MCPH1: variants seen among roughly 807,000 people sequenced by gnomAD.
MCPH1 encodes microcephalin 1, also known as microcephalin.
A neutral mutation model predicts 84.5 loss-of-function variants in MCPH1; 104 were observed. The ratio of observed to expected loss-of-function variants is 1.23; its 90% CI spans 1.05 to 1.45. MCPH1 has a LOEUF of 1.45. MCPH1 is among the 40% of genes most tolerant of loss of function. MCPH1 has a pLI of 0.00. For synonymous variants in MCPH1, 514 were observed against 366.8 expected (o/e 1.40, Z -4.58); for missense variants, 1,498 against 1,005.7 (o/e 1.49, Z -6.62).
At chr8:6,489,628 CAT>C (rs1810339712) in intron 11 of MCPH1, among the ~76,000 whole-genome samples, 1 of 152,208 alleles carries the variant, frequency 6.6e-6, no homozygotes, top group Admixed American at 6.5e-5. Flanking sequence ...TATTATCAGA[CAT>C]ATTGCTGATA....
At chr8:6,598,642 T>C (rs538253596) in intron 12 of MCPH1, among the ~76,000 whole-genome samples, 3 of 152,322 alleles carry the variant, frequency 2.0e-5, no homozygotes, top group East Asian at 3.9e-4. Flanking sequence ...ACCCCAATGT[T>C]TGCTGAAGCA....
intron 12 of MCPH1, 145 bp from the exon 13 acceptor site, chr8:6,621,309 C>G (rs1229623042): frequency 9.6e-7 from 1 of 1,042,880 alleles, no homozygotes; most frequent in East Asian, 2.5e-5. Flanking sequence ...TCTGGATTCT[C>G]AGAATTCAAA....
At chr8:6,626,048 G>A (rs536121511) in intron 13 of MCPH1, 198 of 985,278 alleles carry the variant, frequency 2.0e-4, no homozygotes, top group Non-Finnish European at 2.3e-4. Context: ...CAGTCCACCC[G>A]CCAGCCTTTG....
chr8:6,615,856 G>A (rs936543585), intron 12 of MCPH1: 25 of 152,114 alleles, frequency 1.6e-4, no homozygotes, highest in Admixed American at 1.3e-3. Context: ...GGGAAGGCGG[G>A]GCAGGGTTTT....
Position 6,444,643 on chromosome 8 carries a change from A to G in MCPH1, c.921A>G (p.Ala307=), listed in dbSNP as rs994299311. The change falls in exon 8 of 14, where the codon GCA becomes GCG. Residue 307 remains alanine (A), a synonymous_variant. Coordinates refer to ENST00000344683, the MANE Select transcript of MCPH1 (RefSeq NM_024596.5). ...KEEINLQRNI[A]GKVVTPDQKQ... ...AAATAAACTTGCAAAGAAATATTGC[A>G]GGTAAAGTAGTCACCCCTGACCAAA... 1 of 1,614,144 alleles carries G rather than the reference A, an allele frequency of 6.2e-7. No homozygotes were observed. The highest frequency in any genetic ancestry group is 8.5e-7 in the Non-Finnish European group (1 of 1,180,034).
chr8:6,601,056 G>C (rs1404041326), intron 12 of MCPH1, among the ~76,000 whole-genome samples: 1 of 152,136 alleles, frequency 6.6e-6, no homozygotes, highest in East Asian at 1.9e-4. Context: ...CTGTGGGCTG[G>C]GGGCTGGCTT....
In MCPH1 at chr8:6,645,968, A is replaced by T. The variant is rs910812521; in HGVS notation, c.*2919A>T. 1 of 152,244 alleles carries T rather than the reference A, an allele frequency of 6.6e-6. No individual in the cohort carries two copies. Among genetic ancestry groups the T allele is most frequent in the African/African-American group, 2.4e-5 (1 of 41,462 alleles). 9.4% of individuals were successfully genotyped at this position (152,244 alleles called of 1,614,324 possible). A position where few individuals can be genotyped will look rare whatever the true frequency, so the allele number is the denominator to read the frequency against. ...TCAAATTGACGTATAGATTCAATGC[A>T]ATCCATTAAAATCTCAGATGGCTTT... On this transcript the variant is annotated 3_prime_UTR_variant, in exon 14 of 14. Transcript: ENST00000344683.
chr8:6,634,280 G>T (rs1421008643), intron 13 of MCPH1, among the ~76,000 whole-genome samples: 1 of 152,162 alleles, frequency 6.6e-6, no homozygotes, highest in Non-Finnish European at 1.5e-5. Flanking sequence ...GAAATGACAT[G>T]GAATTCAAGT....
At chr8:6,486,737 G>C (rs1162607610) in intron 11 of MCPH1, among the ~76,000 whole-genome samples, 3 of 152,162 alleles carry the variant, frequency 2.0e-5, no homozygotes, top group East Asian at 3.8e-4. Flanking sequence ...AACCATGCCA[G>C]GAGTTGCCGA....
At chr8:6,467,362 C>G (rs1807107909) in intron 9 of MCPH1, among the ~76,000 whole-genome samples, 2 of 152,162 alleles carry the variant, frequency 1.3e-5, no homozygotes, top group South Asian at 4.1e-4. Flanking sequence ...GAAATATCTT[C>G]TGCTTTTCAT....
intron 1 of MCPH1, among the ~76,000 whole-genome samples, 199 bp downstream of exon 1, chr8:6,406,888 GCTGCCTGTCCCCC>G (rs1164356243): frequency 2.9e-4 from 5 of 17,312 alleles, no homozygotes; most frequent in Non-Finnish European, 4.2e-4. Context: ...TCTCTCCCCC[GCTGCCTGTCCCCC>G]CAAAACCCCC....
chr8:6,422,186 G>T (rs1800304375), intron 3 of MCPH1, among the ~76,000 whole-genome samples: 1 of 152,170 alleles, frequency 6.6e-6, no homozygotes. Flanking sequence ...CTACCTGTCT[G>T]TCTTATTTAT....
intron 12 of MCPH1, among the ~76,000 whole-genome samples, chr8:6,546,413 T>C (rs1405204685): frequency 1.3e-5 from 2 of 152,174 alleles, no homozygotes; most frequent in Non-Finnish European, 2.9e-5. Context: ...AAAATTAGCA[T>C]AGAGCGTAAA....
At chr8:6,598,909 G>T (rs2442569) in intron 12 of MCPH1, among the ~76,000 whole-genome samples, 63,190 of 152,268 alleles carry the variant, frequency 0.41, 15,624 homozygotes, top group African/African-American at 0.7. Flanking sequence ...AGCTCAGCGT[G>T]AAAACACATG....
At chr8:6,585,830 C>G (rs951699266) in intron 12 of MCPH1, among the ~76,000 whole-genome samples, 3 of 152,214 alleles carry the variant, frequency 2.0e-5, no homozygotes, top group Admixed American at 6.5e-5. Context: ...AACACAGCAG[C>G]TTGGTTTCTA....
At chr8:6,496,861 C>G (rs907203814) in intron 11 of MCPH1, among the ~76,000 whole-genome samples, 5 of 152,158 alleles carry the variant, frequency 3.3e-5, no homozygotes, top group Non-Finnish European at 4.4e-5. Flanking sequence ...TAAAATCCCT[C>G]TTACAGATTG....
At chr8:6,424,424 C>T (rs1800742151) in intron 3 of MCPH1, among the ~76,000 whole-genome samples, 1 of 152,198 alleles carries the variant, frequency 6.6e-6, no homozygotes, top group African/African-American at 2.4e-5. Context: ...ATAACCACAA[C>T]ACAGGCCGAC....
intron 11 of MCPH1, among the ~76,000 whole-genome samples, chr8:6,484,091 T>C (rs1809565248): frequency 6.6e-6 from 1 of 152,152 alleles, no homozygotes; most frequent in African/African-American, 2.4e-5. Context: ...TTCATCAAAA[T>C]TGAAAGCTTT....
At chr8:6,555,197 T>G (rs551216557) in intron 12 of MCPH1, among the ~76,000 whole-genome samples, 1 of 152,262 alleles carries the variant, frequency 6.6e-6, no homozygotes, top group East Asian at 1.9e-4. Flanking sequence ...TGCCAGGCCA[T>G]TTTTGGTGAT....
Sources: allele counts gnomAD v4.1 joint callset (sites outside exome capture counted in the v4.1 genomes callset), GRCh38; gene constraint gnomAD v4.1.1; transcripts MANE v1.5; gene names NCBI Gene and HGNC (gene_info 2026-07-23, HGNC 2026-07-21).